Variants in SYNE2 observed in about 807,000 individuals in gnomAD.
SYNE2 encodes the protein spectrin repeat containing nuclear envelope protein 2.
In SYNE2, 431 loss-of-function variants were observed where a neutral mutation model predicts 856.3. The ratio of observed to expected loss-of-function variants is 0.50; its 90% CI spans 0.47 to 0.55. SYNE2 has a LOEUF of 0.55. SYNE2 is among the 20% of genes least tolerant of loss of function. The pLI, the probability that SYNE2 is intolerant of heterozygous loss-of-function variation, is 0.00. For missense variants in SYNE2, 8,129 were observed against 8,023.2 expected (o/e 1.01, Z -0.50); for synonymous variants, 2,923 against 2,872.3 (o/e 1.02, Z -0.56).
intron 43 of SYNE2, among the ~76,000 whole-genome samples, chr14:64,028,878 C>T (rs888653840): frequency 1.3e-5 from 2 of 152,158 alleles, no homozygotes; most frequent in Non-Finnish European, 1.5e-5. Context: ...GGCTCAACGC[C>T]TGTAATCCCA....
Position 64,225,559 on chromosome 14 carries a change from G to A in SYNE2, c.*33G>A. On this transcript the variant is annotated 3_prime_UTR_variant, in exon 116 of 116. Transcript: ENST00000555002. ...AGCTGGCCACAGTGCTACACCACCT[G>A]CCTGATTGCCAAGGGTGCCCAGCAC... The A allele has an allele frequency of 6.2e-7, 1 of 1,607,694 alleles. No individual in the cohort carries two copies. The highest frequency in any genetic ancestry group is 8.5e-7 in the Non-Finnish European group (1 of 1,175,782).
intron 1 of SYNE2, among the ~76,000 whole-genome samples, chr14:63,836,834 A>T (rs1889873468): frequency 6.6e-6 from 1 of 152,188 alleles, no homozygotes; most frequent in South Asian, 2.1e-4. Context: ...CTGCTACAAA[A>T]CATTACAGCG....
At chr14:64,111,084 G>A (rs943237591) in intron 65 of SYNE2, among the ~76,000 whole-genome samples, 2 of 151,842 alleles carry the variant, frequency 1.3e-5, no homozygotes, top group Non-Finnish European at 2.9e-5. Flanking sequence ...GTGTGTGGAG[G>A]GCTGGGTGTG....
chr14:64,059,607 G>A (rs2097300526), intron 49 of SYNE2, among the ~76,000 whole-genome samples: 1 of 152,240 alleles, frequency 6.6e-6, no homozygotes, highest in Non-Finnish European at 1.5e-5. Context: ...AGAGTGTACT[G>A]AATCAGACCT....
chr14:63,960,872 C>T (rs2096304195), intron 8 of SYNE2: 4 of 618,926 alleles, frequency 6.5e-6, no homozygotes, highest in South Asian at 5.6e-5. Context: ...TAGAGAGACC[C>T]TGTCTAAAAA....
intron 7 of SYNE2, 152 bp from the exon 8 acceptor site, chr14:63,954,567 C>A: frequency 1.5e-6 from 1 of 669,826 alleles, no homozygotes. Context: ...TTGGCATTTT[C>A]CTTTAATTTG....
intron 8 of SYNE2, among the ~76,000 whole-genome samples, 190 bp downstream of exon 8, chr14:63,955,105 G>A (rs546640014): frequency 3.9e-5 from 6 of 152,212 alleles, no homozygotes; most frequent in African/African-American, 1.4e-4. Flanking sequence ...TAATTATAGG[G>A]GAAGCCACAG....
At chr14:64,221,451 T>G in intron 111 of SYNE2, 125 bp from the exon 112 acceptor site, 1 of 1,570,182 alleles carries the variant, frequency 6.4e-7, no homozygotes, top group Non-Finnish European at 8.7e-7. Flanking sequence ...CTGGTCCTCG[T>G]ATTCAGTGGG....
chr14:63,842,220 C>T (rs974934091), intron 1 of SYNE2, among the ~76,000 whole-genome samples: 1 of 151,762 alleles, frequency 6.6e-6, no homozygotes, highest in Non-Finnish European at 1.5e-5. Context: ...TCACCCAGGC[C>T]GAGTGCAGTG....
At chr14:64,126,968 T>C (rs1056544778) in intron 73 of SYNE2, among the ~76,000 whole-genome samples, 161 bp downstream of exon 73, 5 of 152,184 alleles carry the variant, frequency 3.3e-5, no homozygotes, top group African/African-American at 1.2e-4. Flanking sequence ...CATTTGAAAG[T>C]GAAGCCCTGG....
intron 92 of SYNE2, among the ~76,000 whole-genome samples, chr14:64,167,983 C>A (rs2098390290): frequency 6.6e-6 from 1 of 152,148 alleles, no homozygotes; most frequent in African/African-American, 2.4e-5. Flanking sequence ...CTCAATAATT[C>A]TCCATAGTAT....
intron 31 of SYNE2, among the ~76,000 whole-genome samples, chr14:64,007,525 C>T (rs941625973): frequency 3.3e-5 from 5 of 152,160 alleles, no homozygotes; most frequent in Non-Finnish European, 4.4e-5. Context: ...CAAATCACCA[C>T]GAACTTAGTG....
At chr14:63,891,646 G>A (rs564512704) in intron 1 of SYNE2, among the ~76,000 whole-genome samples, 3 of 151,976 alleles carry the variant, frequency 2.0e-5, no homozygotes, top group Non-Finnish European at 4.4e-5. Flanking sequence ...ATATTTTGGG[G>A]TGACATTCTG....
chr14:63,772,892 C>A (rs1230114190), intron 1 of SYNE2, among the ~76,000 whole-genome samples: 1 of 151,838 alleles, frequency 6.6e-6, no homozygotes, highest in Non-Finnish European at 1.5e-5. Context: ...ATCCTCCTGC[C>A]TCAGCCTCCC....
chr14:64,134,061 T>G lies in SYNE2; in HGVS notation c.14515-8T>G. ...GCTTCCACTAATTTTATGTCCTTGA[T>G]TCTCTAGAAATGGGAAGAATTTGAT... is the stretch of plus-strand genomic sequence containing the variant. On this transcript the variant is annotated splice_region_variant and splice_polypyrimidine_tract_variant and intron_variant, in intron 77 of 115. Coordinates refer to ENST00000555002, the MANE Select transcript of SYNE2 (RefSeq NM_182914.3). The G allele has an allele frequency of 6.2e-7, 1 of 1,613,990 alleles. No individual in the cohort carries two copies. The highest frequency in any genetic ancestry group is 1.1e-5 in the South Asian group (1 of 91,082).
At chr14:63,855,195 G>A (rs565100964) in intron 1 of SYNE2, among the ~76,000 whole-genome samples, 117 of 152,204 alleles carry the variant, frequency 7.7e-4, no homozygotes, top group Non-Finnish European at 1.5e-3. Context: ...GTGTTGGGGC[G>A]ATAGTGGTGC....
intron 57 of SYNE2, among the ~76,000 whole-genome samples, chr14:64,083,926 ATT>A (rs527947618): frequency 1.4e-5 from 2 of 144,980 alleles, no homozygotes; most frequent in African/African-American, 2.5e-5. Context: ...TAGAAAACTA[ATT>A]TTTTTTTTTT....
At chr14:64,003,471 TA>T (rs2096770730) in intron 30 of SYNE2, 141 bp downstream of exon 30, 3 of 1,210,650 alleles carry the variant, frequency 2.5e-6, no homozygotes, top group Non-Finnish European at 3.6e-6. Context: ...TTCTTTTCTG[TA>T]GACTTTTCAA....
At position 63,842,178 on chromosome 14, in the gene SYNE2, T is replaced by A. The variant is rs186950052; in HGVS notation, c.-304-10323T>A. Reference sequence around the variant, plus strand: ...CTTCTTTTTGTTTGTTTGTTTGTTGTTGTTGTCGTTTTGAGACAGAGTCTC... The same window carrying A: ...CTTCTTTTTGTTTGTTTGTTTGTTGATGTTGTCGTTTTGAGACAGAGTCTC... On this transcript the variant is annotated intron_variant, in intron 1 of 23. Transcript: ENST00000674003. Among the ~76,000 whole-genome samples the A allele has an allele frequency of 9.2e-5, 14 of 152,006 alleles. No homozygotes were observed. The East Asian group carries it at 2.7e-3, about 29-fold the overall frequency.
Sources: gnomAD v4.1 joint callset for allele counts (sites outside exome capture counted in the v4.1 genomes callset) on GRCh38, gnomAD v4.1.1 for gene constraint, MANE v1.5 for transcripts, NCBI Gene and HGNC (gene_info 2026-07-23, HGNC 2026-07-21) for gene names.